The following RTN1 variants were observed in gnomAD, a reference collection of about 807,000 sequenced individuals.
RTN1 encodes the protein reticulon 1, also known as reticulon-1.
In RTN1, 25 loss-of-function variants were observed where a neutral mutation model predicts 65.5. The observed-to-expected ratio is 0.38, with a 90% CI of 0.28 to 0.53. RTN1 has a LOEUF of 0.53. Ranked by LOEUF, RTN1 falls within the 20% of genes least tolerant of loss-of-function variation. RTN1 has a pLI of 0.79. For missense variants in RTN1, 983 were observed against 1,025.4 expected (o/e 0.96, Z 0.57); for synonymous variants, 471 against 447.6 (o/e 1.05, Z -0.66).
intron 1 of RTN1, among the ~76,000 whole-genome samples, chr14:59,757,469 G>A (rs778841695): frequency 7.2e-5 from 11 of 151,962 alleles, no homozygotes; most frequent in Non-Finnish European, 1.2e-4. Context: ...CTCTTCCTTC[G>A]TCTTCCGCCA....
chr14:59,787,019 A>G lies in RTN1; in HGVS notation c.242-40538T>C, dbSNP rs73302036. Among the ~76,000 whole-genome samples the G allele has an allele frequency of 2.8e-3, 431 of 152,370 alleles. 3 individuals are homozygous for G. Among genetic ancestry groups the G allele is most frequent in the African/African-American group, 0.01 (421 of 41,588 alleles). ...AGAAAAGTACTTAAGGAATTCTGCT[A>G]TACAGGTATTACTGAAGAGAAATAA... is the stretch of plus-strand genomic sequence containing the variant. On this transcript the variant is annotated intron_variant, in intron 1 of 8. Transcript: ENST00000267484.
chr14:59,823,495 G>A (rs1034523550), intron 1 of RTN1, among the ~76,000 whole-genome samples: 20 of 152,220 alleles, frequency 1.3e-4, no homozygotes, highest in Non-Finnish European at 2.9e-4. Flanking sequence ...CAGTTGTGTA[G>A]TAATAAATTC....
In RTN1 at chr14:59,726,953, G is replaced by T; in HGVS notation, c.1731C>A (p.Ala577=). ...TKGPGPLGPG[A]PPPLLFLNKQ... Reference sequence around the variant, plus strand: ...TATTGAGAAACAGCAGTGGGGGCGGGGCGCCAGGACCTAGAGGCCCAGGGC... The same window carrying T: ...TATTGAGAAACAGCAGTGGGGGCGGTGCGCCAGGACCTAGAGGCCCAGGGC... The change falls in exon 3 of 9, where the codon GCC becomes GCA. Residue 577 remains alanine, a synonymous_variant. Coordinates refer to ENST00000267484, the MANE Select transcript of RTN1 (RefSeq NM_021136.3). 6.2e-7 allele frequency: 1 copy of T among 1,613,240 alleles called. No homozygotes were observed. The highest frequency in any genetic ancestry group is 8.5e-7 in the Non-Finnish European group (1 of 1,179,694).
chr14:59,804,756 G>T (rs187609770), intron 1 of RTN1, among the ~76,000 whole-genome samples: 320 of 152,330 alleles, frequency 2.1e-3, no homozygotes, highest in Non-Finnish European at 3.3e-3. Context: ...TGGGAATGCA[G>T]TAGTTTTTTG....
chr14:59,800,453 G>T (rs571960159), intron 1 of RTN1, among the ~76,000 whole-genome samples: 15 of 152,136 alleles, frequency 9.9e-5, no homozygotes, highest in African/African-American at 2.9e-4. Context: ...CAGGCTGGAG[G>T]GCAGTGGCAC....
chr14:59,706,641 C>T (rs908860217), intron 3 of RTN1, among the ~76,000 whole-genome samples: 3 of 152,190 alleles, frequency 2.0e-5, no homozygotes, highest in African/African-American at 7.2e-5. Flanking sequence ...CAAACACAGA[C>T]ACATAAACAC....
At chr14:59,844,881 T>C (rs1887378111) in intron 1 of RTN1, among the ~76,000 whole-genome samples, 4 of 152,228 alleles carry the variant, frequency 2.6e-5, no homozygotes, top group Non-Finnish European at 5.9e-5. Context: ...TACTAGCTCT[T>C]GGCAAACTTT....
At chr14:59,712,897 A>G (rs1646427598) in intron 3 of RTN1, among the ~76,000 whole-genome samples, 2 of 140,984 alleles carry the variant, frequency 1.4e-5, no homozygotes, top group South Asian at 4.5e-4. Context: ...GGGTGACAAG[A>G]GTGAAACTCC....
intron 2 of RTN1, among the ~76,000 whole-genome samples, chr14:59,737,832 G>A (rs1314218986): frequency 6.6e-6 from 1 of 152,126 alleles, no homozygotes; most frequent in East Asian, 1.9e-4. Flanking sequence ...CAATGGACCA[G>A]CATAAAGAAA....
At chr14:59,837,095 T>G (rs1303614773) in intron 1 of RTN1, among the ~76,000 whole-genome samples, 1 of 151,778 alleles carries the variant, frequency 6.6e-6, no homozygotes. Context: ...CAAGCTACAA[T>G]AATTAAAATA....
chr14:59,644,582 A>G (rs1330044632), intron 3 of RTN1, among the ~76,000 whole-genome samples: 1 of 152,192 alleles, frequency 6.6e-6, no homozygotes, highest in African/African-American at 2.4e-5. Flanking sequence ...TTAGACCCCC[A>G]TACATACCCC....
chr14:59,759,428 T>C (rs532519223), intron 1 of RTN1, among the ~76,000 whole-genome samples: 18 of 152,132 alleles, frequency 1.2e-4, no homozygotes, highest in Non-Finnish European at 4.4e-5. Context: ...TTTATAATAA[T>C]AGCCATTTCA....
chr14:59,865,875 T>C (rs572848500), intron 1 of RTN1, among the ~76,000 whole-genome samples: 2 of 152,302 alleles, frequency 1.3e-5, no homozygotes, highest in South Asian at 2.1e-4. Context: ...ATTTAGCCAG[T>C]TATTTCTTTG....
rs370942175 is a variant in RTN1, at chr14:59,602,701, T to A, written c.2288+364A>T. Among the ~76,000 whole-genome samples the A allele has an allele frequency of 4.3e-4, 66 of 152,310 alleles. 1 individual carries two copies. In the East Asian group the frequency reaches 7.3e-3, roughly 17 times the overall value. Reference sequence around the variant, plus strand: ...TATTCATTGTTTAAAAGATTAAAAATGTTAACTTGTTTTTATTTGAATTAA... The same window carrying A: ...TATTCATTGTTTAAAAGATTAAAAAAGTTAACTTGTTTTTATTTGAATTAA... On this transcript the variant is annotated intron_variant, in intron 8 of 8. Transcript: ENST00000267484.
chr14:59,645,762 CAG>C (rs1882881878), intron 3 of RTN1, among the ~76,000 whole-genome samples: 1 of 152,212 alleles, frequency 6.6e-6, no homozygotes, highest in South Asian at 2.1e-4. Flanking sequence ...CTTCACTGGG[CAG>C]AGTTACCAGG....
intron 1 of RTN1, among the ~76,000 whole-genome samples, chr14:59,839,869 A>G (rs1394923015): frequency 6.6e-6 from 1 of 152,140 alleles, no homozygotes; most frequent in African/African-American, 2.4e-5. Flanking sequence ...AGTATTACAC[A>G]TACAGAAAAA....
intron 3 of RTN1, among the ~76,000 whole-genome samples, chr14:59,655,745 C>T (rs1883109599): frequency 6.6e-6 from 1 of 152,190 alleles, no homozygotes; most frequent in East Asian, 1.9e-4. Context: ...GTATTTTCAA[C>T]AGCAGTGTAT....
chr14:59,837,203 T>C (rs1887227869), intron 1 of RTN1, among the ~76,000 whole-genome samples: 1 of 152,042 alleles, frequency 6.6e-6, no homozygotes, highest in Admixed American at 6.6e-5. Flanking sequence ...ATTGTAAAGG[T>C]AGTAATTCAA....
chr14:59,869,829 G>A (rs10150969), intron 1 of RTN1, among the ~76,000 whole-genome samples: 1 of 152,220 alleles, frequency 6.6e-6, no homozygotes, highest in Non-Finnish European at 1.5e-5. Flanking sequence ...TTCTGCGGGA[G>A]AAAAGGCGGA....
Sources: gnomAD v4.1 joint callset for allele counts (sites outside exome capture counted in the v4.1 genomes callset) on GRCh38, gnomAD v4.1.1 for gene constraint, MANE v1.5 for transcripts, NCBI Gene and HGNC (gene_info 2026-07-23, HGNC 2026-07-21) for gene names.